SEMA3A: variants seen among roughly 807,000 people sequenced by gnomAD.
SEMA3A encodes the protein semaphorin 3A, also known as semaphorin-3A.
SEMA3A carries 29 observed loss-of-function variants against 97.9 expected under a neutral mutation model. That is an observed-to-expected ratio of 0.30 (90% CI 0.22 to 0.40). SEMA3A has a LOEUF of 0.40. SEMA3A is among the 10% of genes least tolerant of loss of function. The probability of loss-of-function intolerance (pLI) is 1.00; values close to 1 mark genes in which losing one functional copy is unlikely to be tolerated. For synonymous variants in SEMA3A, 321 were observed against 323.7 expected, an observed-to-expected ratio of 0.99 and a Z score of 0.09; for missense variants, 763 against 951.3, an observed-to-expected ratio of 0.80 and a Z score of 2.60.
At chr7:84,005,599 A>G (rs1790634929) in intron 10 of SEMA3A, 41 bp from the exon 11 acceptor site, 8 of 1,280,534 alleles carry the variant, frequency 6.2e-6, no homozygotes, top group African/African-American at 6.0e-5. Flanking sequence ...ATTAAAATCT[A>G]ATAAACATAA....
Position 84,102,068 on chromosome 7 carries a change from ACTGC to A in SEMA3A, c.453+8398_453+8401del, listed in dbSNP as rs1371256965. ...AAATTACATATGCAGCTAGCATTAT[ACTGC>A]CTTTGAACAGAGGTGTTCTAGAAAA... On this transcript the variant is annotated intron_variant, in intron 4 of 16. Coordinates refer to ENST00000265362, the MANE Select transcript of SEMA3A (RefSeq NM_006080.3). 2.0e-4 allele frequency among the ~76,000 whole-genome samples: 30 copies of A among 152,316 alleles called. No individual in the cohort carries two copies. The East Asian group carries it at 5.8e-3, about 29-fold the overall frequency.
chr7:84,059,204 A>G (rs1474700253), intron 5 of SEMA3A, among the ~76,000 whole-genome samples: 1 of 152,140 alleles, frequency 6.6e-6, no homozygotes, highest in Non-Finnish European at 1.5e-5. Flanking sequence ...CCAACCATAA[A>G]TAGGAAAATT....
intron 1 of SEMA3A, among the ~76,000 whole-genome samples, chr7:84,465,607 A>T (rs1335093379): frequency 6.6e-6 from 1 of 152,164 alleles, no homozygotes; most frequent in Non-Finnish European, 1.5e-5. Context: ...AATTTCAAAA[A>T]TATCCCAAAC....
rs117193247 is a variant in SEMA3A at position 84,470,160 on chromosome 7, T to C, written c.-246+22300A>G. ...AAAGGAGAGAAAACTTGTTAGGAGA[T>C]TTCTTAAGTGCTTGGGATTCTACTA... On this transcript the variant is annotated intron_variant, in intron 1 of 3. Coordinates refer to the SEMA3A transcript ENST00000424555. Among the ~76,000 whole-genome samples, 274 of 152,076 alleles carry C rather than the reference T, an allele frequency of 1.8e-3. 2 individuals are homozygous for C. Among genetic ancestry groups the C allele is most frequent in the East Asian group, 0.018 (93 of 5,176 alleles).
chr7:84,288,628 G>A (rs1179323835), intron 3 of SEMA3A, among the ~76,000 whole-genome samples: 1 of 152,024 alleles, frequency 6.6e-6, no homozygotes, highest in Non-Finnish European at 1.5e-5. Context: ...AACCCGGGAG[G>A]TGGAGTTTGC....
At chr7:84,451,413 A>G (rs1387504965) in intron 1 of SEMA3A, among the ~76,000 whole-genome samples, 1 of 152,214 alleles carries the variant, frequency 6.6e-6, no homozygotes, top group African/African-American at 2.4e-5. Context: ...AATTTTGCCC[A>G]GCTATCACAA....
At chr7:84,386,597 A>G (rs1402541629) in intron 1 of SEMA3A, among the ~76,000 whole-genome samples, 1 of 152,218 alleles carries the variant, frequency 6.6e-6, no homozygotes, top group East Asian at 1.9e-4. Flanking sequence ...CCTCCCATAT[A>G]TAATTTTGCC....
chr7:84,123,567 A>C (rs12532852), intron 3 of SEMA3A, among the ~76,000 whole-genome samples: 14,050 of 151,320 alleles, frequency 0.093, 699 homozygotes, highest in South Asian at 0.12. Context: ...AATGTAGATG[A>C]ATATCAGAAA....
intron 3 of SEMA3A, among the ~76,000 whole-genome samples, chr7:84,249,463 C>A (rs1241280985): frequency 6.6e-6 from 1 of 151,248 alleles, no homozygotes; most frequent in Admixed American, 6.6e-5. Flanking sequence ...TTCTTTTTGC[C>A]AATACATGCA....
In SEMA3A at chr7:84,376,419, A is replaced by G. The variant is rs201466083; in HGVS notation, c.-245-4519T>C. Among the ~76,000 whole-genome samples, 22 of 119,994 alleles carry G rather than the reference A, an allele frequency of 1.8e-4. 1 individual carries two copies. Among genetic ancestry groups the G allele is most frequent in the Middle Eastern group, 4.6e-3 (1 of 218 alleles). 78.7% of individuals were successfully genotyped at this position (119,994 alleles called of 152,430 possible). ...AGATCGAGACCATCCTGGCTAACAC[A>G]GTGAAACCCCGTCTCTACTAAAAAA... On this transcript the variant is annotated intron_variant, in intron 1 of 3. Coordinates refer to the SEMA3A transcript ENST00000424555.
At chr7:84,466,046 T>G (rs1010748582) in intron 1 of SEMA3A, among the ~76,000 whole-genome samples, 1 of 152,242 alleles carries the variant, frequency 6.6e-6, no homozygotes, top group Non-Finnish European at 1.5e-5. Context: ...TCACATTTTT[T>G]AATGTGATTG....
chr7:84,431,928 C>G (rs1804990885), intron 1 of SEMA3A, among the ~76,000 whole-genome samples: 1 of 151,728 alleles, frequency 6.6e-6, no homozygotes, highest in Non-Finnish European at 1.5e-5. Flanking sequence ...GAAAAAACGA[C>G]TTTCTCCCTC....
At chr7:84,265,884 G>A (rs188337562) in intron 3 of SEMA3A, among the ~76,000 whole-genome samples, 1 of 151,980 alleles carries the variant, frequency 6.6e-6, no homozygotes, top group African/African-American at 2.4e-5. Context: ...TTGGCTACTT[G>A]TTATAATTAC....
At chr7:84,360,672 C>A (rs575874373) in intron 2 of SEMA3A, among the ~76,000 whole-genome samples, 2 of 152,206 alleles carry the variant, frequency 1.3e-5, no homozygotes, top group South Asian at 2.1e-4. Context: ...ATCTATTATA[C>A]AAGATGCTGC....
chr7:84,088,126 T>C (rs548990930), intron 4 of SEMA3A, among the ~76,000 whole-genome samples: 65 of 152,300 alleles, frequency 4.3e-4, no homozygotes, highest in Non-Finnish European at 8.7e-4. Context: ...TAAATCCACA[T>C]GCTGTCATCA....
chr7:84,351,685 A>G (rs1266262220), intron 2 of SEMA3A, among the ~76,000 whole-genome samples: 3 of 152,108 alleles, frequency 2.0e-5, no homozygotes, highest in Non-Finnish European at 4.4e-5. Context: ...ATCTCACTCT[A>G]GTTAAAATGG....
Position 84,455,804 on chromosome 7 carries a change from C to A in SEMA3A, c.-246+36656G>T, listed in dbSNP as rs559264735. Among the ~76,000 whole-genome samples, 8 of 151,986 alleles carry A rather than the reference C, an allele frequency of 5.3e-5. No individual in the cohort carries two copies. In the South Asian group the frequency reaches 1.7e-3, roughly 32 times the overall value. On this transcript the variant is annotated intron_variant, in intron 1 of 3. Transcript: ENST00000424555. ...AATTTCAGGAAGTAAACATCTGTTTCATTTTATATATGGGAGAGGGAAAAA... is the reference window on the plus strand; with the variant it reads ...AATTTCAGGAAGTAAACATCTGTTTAATTTTATATATGGGAGAGGGAAAAA...
chr7:84,439,178 G>A (rs1251069966), intron 1 of SEMA3A, among the ~76,000 whole-genome samples: 3 of 151,910 alleles, frequency 2.0e-5, no homozygotes, highest in East Asian at 3.9e-4. Context: ...TAAGAGACTG[G>A]CAAATGGCTT....
chr7:84,475,986 CATG>C (rs1385807698), intron 1 of SEMA3A, among the ~76,000 whole-genome samples: 1 of 152,112 alleles, frequency 6.6e-6, no homozygotes, highest in Non-Finnish European at 1.5e-5. Flanking sequence ...ATACAATATG[CATG>C]ATGATAGTTT....
Sources: allele counts gnomAD v4.1 joint callset (sites outside exome capture counted in the v4.1 genomes callset), GRCh38; gene constraint gnomAD v4.1.1; transcripts MANE v1.5; gene names NCBI Gene and HGNC (gene_info 2026-07-23, HGNC 2026-07-21).